Variants in CNBD1 observed in about 807,000 individuals in gnomAD.
CNBD1 encodes the protein cyclic nucleotide binding domain containing 1.
Under a neutral mutation model 54.4 loss-of-function variants are expected in CNBD1, and 71 were observed. The ratio of observed to expected loss-of-function variants is 1.30; its 90% CI spans 1.08 to 1.59. The LOEUF is 1.59. Among genes scored for constraint, CNBD1 ranks in the 40% most tolerant of loss-of-function variants. The probability of loss-of-function intolerance (pLI) is 0.00; values close to 1 mark genes in which losing one functional copy is unlikely to be tolerated. For missense variants in CNBD1, 659 were observed against 518.0 expected (o/e 1.27, Z -2.64); for synonymous variants, 182 against 170.7 (o/e 1.07, Z -0.51).
chr8:86,870,189 C>CCTTTTTTTTTTTTTTTTTTTTTT (rs1554626453), intron 1 of CNBD1, among the ~76,000 whole-genome samples: 1 of 100,622 alleles, frequency 9.9e-6, no homozygotes, highest in Non-Finnish European at 1.9e-5. Context: ...AGATAGTACT[C>CCTTTTTTTTTTTTTTTTTTTTTT]TTTTTTTTTT....
At chr8:86,873,076 TTTG>T (rs141839544) in intron 1 of CNBD1, among the ~76,000 whole-genome samples, 2,520 of 150,990 alleles carry the variant, frequency 0.017, 40 homozygotes, top group Non-Finnish European at 0.026. Context: ...AGGCCCTGTT[TTTG>T]TTGTTGTTGT....
chr8:87,136,565 A>G (rs1812232178), intron 4 of CNBD1, among the ~76,000 whole-genome samples: 1 of 95,674 alleles, frequency 1.0e-5, no homozygotes, highest in Admixed American at 1.8e-4. Context: ...TAAATTATAT[A>G]TTATATTTAT....
At chr8:86,986,391 T>C (rs982507843) in intron 4 of CNBD1, among the ~76,000 whole-genome samples, 1 of 152,172 alleles carries the variant, frequency 6.6e-6, no homozygotes, top group African/African-American at 2.4e-5. Context: ...TTGTTTAAAT[T>C]CCTTATAGAT....
At chr8:87,349,431 A>C (rs1810237807) in intron 8 of CNBD1, among the ~76,000 whole-genome samples, 1 of 152,148 alleles carries the variant, frequency 6.6e-6, no homozygotes, top group African/African-American at 2.4e-5. Context: ...GTGGGAGTGC[A>C]GTGTCATGAG....
At chr8:87,000,775 T>G (rs1481285393) in intron 4 of CNBD1, among the ~76,000 whole-genome samples, 1 of 152,192 alleles carries the variant, frequency 6.6e-6, no homozygotes, top group African/African-American at 2.4e-5. Context: ...GCATTTATTG[T>G]TACATTACAG....
At chr8:87,074,374 G>A (rs115088921) in intron 4 of CNBD1, among the ~76,000 whole-genome samples, 1 of 152,254 alleles carries the variant, frequency 6.6e-6, no homozygotes, top group African/African-American at 2.4e-5. Context: ...TGAAATTTGG[G>A]CCTGCAGAAT....
At chr8:87,328,171 G>A (rs1484378749) in intron 8 of CNBD1, among the ~76,000 whole-genome samples, 1 of 151,816 alleles carries the variant, frequency 6.6e-6, no homozygotes, top group Admixed American at 6.6e-5. Flanking sequence ...GGTGTGTGAT[G>A]TTCCCTCCCT....
chr8:86,963,729 G>T (rs960017418), intron 4 of CNBD1, among the ~76,000 whole-genome samples: 1 of 152,156 alleles, frequency 6.6e-6, no homozygotes, highest in Non-Finnish European at 1.5e-5. Context: ...GAAGAGAACT[G>T]AAAGGCCTGC....
intron 2 of CNBD1, among the ~76,000 whole-genome samples, chr8:87,411,427 T>TATATATATATATATATATATA (rs71277943): frequency 1.1e-3 from 151 of 140,718 alleles, no homozygotes; most frequent in East Asian, 2.7e-3. Flanking sequence ...TATATATATA[T>TATATATATATATATATATATA]TTCATTCACA....
At chr8:87,282,124 CT>C (rs969052924) in intron 6 of CNBD1, among the ~76,000 whole-genome samples, 2 of 151,248 alleles carry the variant, frequency 1.3e-5, no homozygotes, top group Admixed American at 6.6e-5. Flanking sequence ...TGTCATTGTA[CT>C]TTTTTTCAAC....
intron 3 of CNBD1, among the ~76,000 whole-genome samples, chr8:86,918,638 C>G (rs1386234079): frequency 2.6e-5 from 4 of 151,802 alleles, no homozygotes; most frequent in Middle Eastern, 3.2e-3. Context: ...TCTGTGCTGC[C>G]ACATAAGACA....
intron 4 of CNBD1, among the ~76,000 whole-genome samples, chr8:87,189,974 G>GA (rs1201261500): frequency 6.6e-6 from 1 of 151,926 alleles, no homozygotes. Flanking sequence ...GGGATACATA[G>GA]AAAAAAATGA....
At chr8:87,412,591 A>G (rs1204455964) in intron 2 of CNBD1, among the ~76,000 whole-genome samples, 5 of 152,130 alleles carry the variant, frequency 3.3e-5, no homozygotes. Context: ...GAACTTCACT[A>G]TGCTAATAGA....
chr8:87,048,692 C>A (rs1440735708), intron 4 of CNBD1, among the ~76,000 whole-genome samples: 1 of 152,142 alleles, frequency 6.6e-6, no homozygotes, highest in East Asian at 1.9e-4. Flanking sequence ...CCCAGTTAAT[C>A]AAGATGTCTA....
chr8:86,917,039 T>G lies in CNBD1; in HGVS notation c.272+11845T>G, dbSNP rs899120527. Reference sequence around the variant, plus strand: ...GCAAGCACCACCGTGCCCAGCTAATTTATGTATTTTTTAGTAGAGATGGGG... The same window carrying G: ...GCAAGCACCACCGTGCCCAGCTAATGTATGTATTTTTTAGTAGAGATGGGG... On this transcript the variant is annotated intron_variant, in intron 3 of 10. Coordinates refer to ENST00000518476, the MANE Select transcript of CNBD1 (RefSeq NM_173538.3). Among the ~76,000 whole-genome samples the G allele has an allele frequency of 2.0e-5, 3 of 152,130 alleles. No individual in the cohort carries two copies. In the South Asian group the frequency reaches 6.2e-4, roughly 32 times the overall value.
intron 4 of CNBD1, among the ~76,000 whole-genome samples, chr8:87,042,789 T>C: frequency 6.6e-6 from 1 of 152,144 alleles, no homozygotes; most frequent in South Asian, 2.1e-4. Flanking sequence ...AAATATAATA[T>C]GTAAAATATG....
intron 1 of CNBD1, among the ~76,000 whole-genome samples, chr8:86,879,050 G>A (rs1168288457): frequency 6.6e-6 from 1 of 152,152 alleles, no homozygotes; most frequent in Non-Finnish European, 1.5e-5. Context: ...TCTGCAAGAA[G>A]CAGGGTGTTT....
rs181705052 is a variant in CNBD1 at position 87,192,605 on chromosome 8, T to G, written c.432-13388T>G. Among the ~76,000 whole-genome samples, 848 of 152,324 alleles carry G rather than the reference T, an allele frequency of 5.6e-3. 4 individuals carry two copies. Among genetic ancestry groups the G allele is most frequent in the Non-Finnish European group, 9.7e-3 (660 of 68,026 alleles). ...GACTGGATTAGAAAGCGTAATTCCT[T>G]GATGCTCTTTATAACTGTGTGATAG... On this transcript the variant is annotated intron_variant, in intron 4 of 10. Transcript: ENST00000518476.
At chr8:87,238,317 A>C (rs1422372895) in intron 6 of CNBD1, among the ~76,000 whole-genome samples, 1 of 152,122 alleles carries the variant, frequency 6.6e-6, no homozygotes, top group Non-Finnish European at 1.5e-5. Flanking sequence ...TGGAAACTCT[A>C]CCCACTACCA....
Sources: gnomAD v4.1 joint callset for allele counts (sites outside exome capture counted in the v4.1 genomes callset) on GRCh38, gnomAD v4.1.1 for gene constraint, MANE v1.5 for transcripts, NCBI Gene and HGNC (gene_info 2026-07-23, HGNC 2026-07-21) for gene names.